Variants in GK5 observed in about 807,000 individuals in gnomAD.
GK5 encodes the protein ATP:glycerol 3-phosphotransferase 5.
A neutral mutation model predicts 77.3 loss-of-function variants in GK5; 39 were observed. The observed-to-expected ratio is 0.50, with a 90% CI of 0.39 to 0.66. The LOEUF (loss-of-function observed/expected upper bound fraction) is 0.66. Among genes scored for constraint, GK5 ranks in the 30% least tolerant of loss-of-function variants. The probability of loss-of-function intolerance (pLI) is 0.00; values close to 1 mark genes in which losing one functional copy is unlikely to be tolerated. For missense variants in GK5, 487 were observed against 633.8 expected (o/e 0.77, Z 2.49); for synonymous variants, 211 against 208.0 (o/e 1.01, Z -0.13).
Position 142,213,610 on chromosome 3 carries a change from A to G in GK5, c.242-9T>C. Reference sequence around the variant, plus strand: ...CATCTGTATTCCTGCAGCTAAAAGTAAAGATGGATAAAACACATGTTTTAA... The same window carrying G: ...CATCTGTATTCCTGCAGCTAAAAGTGAAGATGGATAAAACACATGTTTTAA... On this transcript the variant is annotated splice_polypyrimidine_tract_variant and intron_variant, in intron 2 of 15. Coordinates refer to ENST00000392993, the MANE Select transcript of GK5 (RefSeq NM_001039547.3). 1 of 1,581,800 alleles carries G rather than the reference A, an allele frequency of 6.3e-7. No individual in the cohort carries two copies. The highest frequency in any genetic ancestry group is 8.7e-7 in the Non-Finnish European group (1 of 1,151,258).
chr3:142,218,230 A>C (rs1360677644), intron 1 of GK5, among the ~76,000 whole-genome samples: 3 of 134,360 alleles, frequency 2.2e-5, no homozygotes, highest in Non-Finnish European at 3.2e-5. Flanking sequence ...ATCCATATGC[A>C]AAAAAAAAAA....
At chr3:142,221,055 T>C (rs375054761) in intron 1 of GK5, among the ~76,000 whole-genome samples, 2 of 152,078 alleles carry the variant, frequency 1.3e-5, no homozygotes, top group East Asian at 1.9e-4. Context: ...AAAATGCAGA[T>C]AACCAATCAA....
chr3:142,200,812 A>T (rs528808653), intron 4 of GK5, among the ~76,000 whole-genome samples: 59 of 152,318 alleles, frequency 3.9e-4, no homozygotes, highest in Middle Eastern at 3.4e-3. Flanking sequence ...AGTAACTTAT[A>T]GCATACCAAG....
At position 142,204,742 on chromosome 3, in the gene GK5, T is replaced by G. The variant is rs745552091; in HGVS notation, c.364A>C (p.Arg122=). 2.5e-6 allele frequency: 4 copies of G among 1,589,618 alleles called. No homozygotes were observed. In the South Asian group the frequency reaches 4.5e-5, roughly 18 times the overall value. ...CAAGATTTTACAAGTTCAACAGCTC[T>G]TAAGTCTTGCCAACTTATAAAGTTG... ...FHNFISWQDL[R]AVELVKSWNN... The change falls in exon 4 of 16, where the codon AGA becomes CGA. Residue 122 remains arginine (R), a synonymous_variant. Coordinates refer to ENST00000392993, the MANE Select transcript of GK5 (RefSeq NM_001039547.3).
intron 2 of GK5, among the ~76,000 whole-genome samples, chr3:142,214,807 C>T (rs6781598): frequency 0.26 from 38,875 of 151,980 alleles, 5,701 homozygotes; most frequent in African/African-American, 0.41. Context: ...GTTATACTTC[C>T]TGAGTGTTAT....
At chr3:142,174,145 C>T (rs535481356) in intron 12 of GK5, among the ~76,000 whole-genome samples, 57 of 152,250 alleles carry the variant, frequency 3.7e-4, no homozygotes, top group South Asian at 3.5e-3. Context: ...GAACCTTGTC[C>T]GATGTACTCC....
At chr3:142,191,565 CTG>C (rs1427974737) in intron 5 of GK5, among the ~76,000 whole-genome samples, 1 of 151,664 alleles carries the variant, frequency 6.6e-6, no homozygotes, top group Non-Finnish European at 1.5e-5. Context: ...TGGCTGGGCG[CTG>C]TGTCTCTTGC....
At chr3:142,215,727 T>A (rs2064267004) in intron 1 of GK5, 35 bp from the exon 2 acceptor site, 1 of 1,048,384 alleles carries the variant, frequency 9.5e-7, no homozygotes. Flanking sequence ...AAAAACAGCA[T>A]TAGATCAAGT....
chr3:142,166,867 G>A (rs1403639606), intron 15 of GK5, among the ~76,000 whole-genome samples: 1 of 152,104 alleles, frequency 6.6e-6, no homozygotes, highest in African/African-American at 2.4e-5. Flanking sequence ...TAAGTAGTCT[G>A]AAATGATACA....
In GK5 at chr3:142,162,810, A is replaced by C. The variant is rs954435893; in HGVS notation, c.*2812T>G. On this transcript the variant is annotated 3_prime_UTR_variant, in exon 16 of 16. Coordinates refer to ENST00000392993, the MANE Select transcript of GK5 (RefSeq NM_001039547.3). ...CAGGAGTTTGAGACCAGCCTGGCCA[A>C]CATGGTAAAACCCTGTCTCTACTAA... 6.6e-6 allele frequency: 1 copy of C among 152,188 alleles called. No individual in the cohort carries two copies. Among genetic ancestry groups the C allele is most frequent in the Non-Finnish European group, 1.5e-5 (1 of 68,090 alleles). 9.4% of individuals were successfully genotyped at this position (152,188 alleles called of 1,614,324 possible). A position where few individuals can be genotyped will look rare whatever the true frequency, so the allele number is the denominator to read the frequency against.
chr3:142,210,153 T>C (rs1485226929), intron 3 of GK5, among the ~76,000 whole-genome samples: 3 of 151,834 alleles, frequency 2.0e-5, no homozygotes, highest in Non-Finnish European at 2.9e-5. Context: ...GGGGGAGAGA[T>C]AGGGAGAAAA....
intron 3 of GK5, 110 bp downstream of exon 3, chr3:142,213,416 C>A: frequency 2.7e-6 from 2 of 745,788 alleles, no homozygotes; most frequent in African/African-American, 1.7e-5. Flanking sequence ...CTTAACCAAA[C>A]GAAACTATTC....
intron 4 of GK5, among the ~76,000 whole-genome samples, chr3:142,200,404 G>A (rs2064002996): frequency 1.3e-5 from 2 of 152,206 alleles, no homozygotes; most frequent in South Asian, 2.1e-4. Context: ...CTGACTTCAG[G>A]TGATCCGCCC....
At chr3:142,207,976 A>G (rs2064135243) in intron 3 of GK5, among the ~76,000 whole-genome samples, 2 of 152,178 alleles carry the variant, frequency 1.3e-5, no homozygotes, top group Non-Finnish European at 2.9e-5. Flanking sequence ...TACAAATCAG[A>G]GGAGTGATTT....
intron 12 of GK5, among the ~76,000 whole-genome samples, chr3:142,172,724 T>G (rs914496080): frequency 1.3e-5 from 2 of 152,208 alleles, no homozygotes; most frequent in African/African-American, 4.8e-5. Context: ...TATTAAATGC[T>G]TAGCTTTATA....
chr3:142,196,372 T>C (rs1470782449), intron 5 of GK5, among the ~76,000 whole-genome samples: 1 of 152,076 alleles, frequency 6.6e-6, no homozygotes, highest in Non-Finnish European at 1.5e-5. Flanking sequence ...TGCTCATCTT[T>C]TTCCATGTCG....
rs750444725 is a variant in GK5, at chr3:142,165,620, T to G, written c.*2A>C. On this transcript the variant is annotated 3_prime_UTR_variant, in exon 16 of 16. Transcript: ENST00000392993. ...CTATGGTTTTGATCATTTCATTTAG[T>G]GTTATGTCTTGTTATACCAATTCAT... The G allele has an allele frequency of 3.1e-6, 5 of 1,605,364 alleles. No homozygotes were observed. Among genetic ancestry groups the G allele is most frequent in the Non-Finnish European group, 4.2e-6 (5 of 1,176,990 alleles).
chr3:142,208,338 T>C (rs537203384), intron 3 of GK5, among the ~76,000 whole-genome samples: 4 of 152,356 alleles, frequency 2.6e-5, no homozygotes, highest in South Asian at 2.1e-4. Context: ...CTGCTTTTGA[T>C]GTCATTTAAG....
At chr3:142,167,116 G>A (rs1448851993) in intron 15 of GK5, among the ~76,000 whole-genome samples, 2 of 152,154 alleles carry the variant, frequency 1.3e-5, no homozygotes, top group Admixed American at 6.6e-5. Context: ...GCTCATGCCT[G>A]TAATCCCAGC....
Sources: gnomAD v4.1 joint callset for allele counts (sites outside exome capture counted in the v4.1 genomes callset) on GRCh38, gnomAD v4.1.1 for gene constraint, MANE v1.5 for transcripts, NCBI Gene and HGNC (gene_info 2026-07-23, HGNC 2026-07-21) for gene names.